Variants in TMIGD3 observed in about 807,000 individuals in gnomAD.
The protein encoded by TMIGD3 is AD026 protein (AD026).
TMIGD3 carries 21 observed loss-of-function variants against 28.1 expected under a neutral mutation model. The observed-to-expected ratio is 0.75, with a 90% CI of 0.53 to 1.08. The LOEUF is 1.08. Ranked by LOEUF, TMIGD3 falls within the 50% of genes least tolerant of loss-of-function variation. The probability of loss-of-function intolerance (pLI) is 0.00; values close to 1 mark genes in which losing one functional copy is unlikely to be tolerated. For missense variants in TMIGD3, 416 were observed against 435.6 expected, an observed-to-expected ratio of 0.96 and a Z score of 0.40; for synonymous variants, 151 against 162.1, an observed-to-expected ratio of 0.93 and a Z score of 0.52.
At chr1:111,495,809 G>A (rs932409827) in intron 1 of TMIGD3, among the ~76,000 whole-genome samples, 1 of 152,190 alleles carries the variant, frequency 6.6e-6, no homozygotes, top group East Asian at 1.9e-4. Context: ...AGACACGATG[G>A]ACTACTATGT....
intron 1 of TMIGD3, among the ~76,000 whole-genome samples, chr1:111,524,028 CTTTTT>C (rs35046603): frequency 0.087 from 9,480 of 108,990 alleles, 473 homozygotes; most frequent in Middle Eastern, 0.23. Context: ...TCTTTCTTTT[CTTTTT>C]TTTTTTTTTT....
At chr1:111,524,711 C>T (rs1467376885) in intron 1 of TMIGD3, among the ~76,000 whole-genome samples, 3 of 152,126 alleles carry the variant, frequency 2.0e-5, no homozygotes, top group African/African-American at 7.2e-5. Context: ...CCTCCGCCTC[C>T]CGGGTTTAAG....
upstream of TMIGD3, among the ~76,000 whole-genome samples, chr1:111,506,940 T>C (rs2364810): frequency 7.1e-3 from 649 of 90,928 alleles, 7 homozygotes; most frequent in African/African-American, 0.027. Context: ...CACACACACA[T>C]ATATATACAC....
At chr1:111,555,539 GA>G (rs760511400) in intron 1 of TMIGD3, among the ~76,000 whole-genome samples, 3 of 151,932 alleles carry the variant, frequency 2.0e-5, no homozygotes, top group Non-Finnish European at 2.9e-5. Context: ...AAATTTTACA[GA>G]ATTCAGCTTA....
At chr1:111,495,958 A>T (rs1571406726) in intron 1 of TMIGD3, among the ~76,000 whole-genome samples, 2 of 152,198 alleles carry the variant, frequency 1.3e-5, no homozygotes, top group Admixed American at 1.3e-4. Context: ...AAATAATGAT[A>T]AAACATGGAG....
chr1:111,489,526 G>A, intron 2 of TMIGD3: 1 of 990,414 alleles, frequency 1.0e-6, no homozygotes. Context: ...CTGTGGTTTT[G>A]TTGCTGTTGT....
chr1:111,534,863 T>C (rs1296914813), intron 1 of TMIGD3, among the ~76,000 whole-genome samples: 1 of 152,198 alleles, frequency 6.6e-6, no homozygotes, highest in African/African-American at 2.4e-5. Flanking sequence ...CATCACTTTC[T>C]ACTTATCTTA....
intron 1 of TMIGD3, among the ~76,000 whole-genome samples, chr1:111,527,401 T>C (rs1017670460): frequency 6.6e-6 from 1 of 152,222 alleles, no homozygotes; most frequent in Admixed American, 6.5e-5. Flanking sequence ...TATTTATCTA[T>C]TCACCTACTG....
intron 1 of TMIGD3, among the ~76,000 whole-genome samples, chr1:111,552,388 A>G (rs1657302118): frequency 1.3e-5 from 2 of 152,140 alleles, no homozygotes; most frequent in Non-Finnish European, 2.9e-5. Flanking sequence ...AGACTCAGCT[A>G]TTTTTCCTGA....
chr1:111,530,509 G>A (rs1196711051), intron 1 of TMIGD3, among the ~76,000 whole-genome samples: 1 of 152,148 alleles, frequency 6.6e-6, no homozygotes, highest in African/African-American at 2.4e-5. Flanking sequence ...CAGCTCTGCT[G>A]GTTACAAATT....
At chr1:111,496,073 G>A (rs1225004371) in intron 1 of TMIGD3, among the ~76,000 whole-genome samples, 2 of 152,092 alleles carry the variant, frequency 1.3e-5, no homozygotes, top group African/African-American at 4.8e-5. Context: ...TTAGAACCAG[G>A]GTGATGAAAT....
At chr1:111,547,148 G>A (rs1248281023) in intron 1 of TMIGD3, among the ~76,000 whole-genome samples, 1 of 152,138 alleles carries the variant, frequency 6.6e-6, no homozygotes, top group Non-Finnish European at 1.5e-5. Context: ...GAAGTAGTGA[G>A]AATAGTAATT....
chr1:111,490,505 G>T, intron 2 of TMIGD3, 151 bp downstream of exon 2: 1 of 614,948 alleles, frequency 1.6e-6, no homozygotes, highest in Non-Finnish European at 2.9e-6. Flanking sequence ...ATATGGACAA[G>T]ACCTATTTTC....
At chr1:111,528,194 G>T in intron 1 of TMIGD3, among the ~76,000 whole-genome samples, 1 of 152,104 alleles carries the variant, frequency 6.6e-6, no homozygotes, top group East Asian at 1.9e-4. Context: ...TGTAAGGTCT[G>T]TGTCCAGATT....
At chr1:111,525,929 T>G (rs1656247039) in intron 1 of TMIGD3, among the ~76,000 whole-genome samples, 1 of 152,164 alleles carries the variant, frequency 6.6e-6, no homozygotes, top group Non-Finnish European at 1.5e-5. Context: ...ATTTTTAATT[T>G]TTTTATCTAA....
chr1:111,563,479 C>T (rs114329977), intron 1 of TMIGD3, among the ~76,000 whole-genome samples: 19 of 151,970 alleles, frequency 1.3e-4, no homozygotes, highest in Non-Finnish European at 2.4e-4. Context: ...GAGGGACATT[C>T]GGGAGAAACG....
At chr1:111,489,498 T>C in intron 2 of TMIGD3, 1 of 895,496 alleles carries the variant, frequency 1.1e-6, no homozygotes, top group South Asian at 4.4e-5. Flanking sequence ...TAAATTTCCA[T>C]TGTTTTAGCC....
intron 1 of TMIGD3, among the ~76,000 whole-genome samples, chr1:111,521,964 TA>T (rs1389329124): frequency 1.3e-5 from 2 of 152,252 alleles, no homozygotes; most frequent in African/African-American, 4.8e-5. Context: ...AGGTTCATTT[TA>T]TTGCATATGG....
intron 1 of TMIGD3, among the ~76,000 whole-genome samples, chr1:111,557,243 A>G (rs1203732868): frequency 6.6e-6 from 1 of 152,166 alleles, no homozygotes; most frequent in East Asian, 1.9e-4. Context: ...CTAAAAATGT[A>G]TATATTTTAA....
Sources: allele counts gnomAD v4.1 joint callset (sites outside exome capture counted in the v4.1 genomes callset), GRCh38; gene constraint gnomAD v4.1.1; transcripts MANE v1.5; gene names NCBI Gene and HGNC (gene_info 2026-07-23, HGNC 2026-07-21).